REEP3: variants seen among roughly 807,000 people sequenced by gnomAD.
The protein encoded by REEP3 is receptor accessory protein 3.
A neutral mutation model predicts 41.3 loss-of-function variants in REEP3; 20 were observed. The observed-to-expected ratio is 0.48, with a 90% confidence interval of 0.34 to 0.70. The LOEUF is 0.70. Ranked by LOEUF, REEP3 falls within the 30% of genes least tolerant of loss-of-function variation. REEP3 has a pLI of 0.01. For missense variants in REEP3, 271 were observed against 308.8 expected, an observed-to-expected ratio of 0.88 and a Z score of 0.92; for synonymous variants, 104 against 101.8, an observed-to-expected ratio of 1.02 and a Z score of -0.13.
intron 3 of REEP3, among the ~76,000 whole-genome samples, chr10:63,595,308 C>T (rs956086923): frequency 6.6e-6 from 1 of 152,224 alleles, no homozygotes; most frequent in African/African-American, 2.4e-5. Flanking sequence ...TCAGCACTAG[C>T]TTCCTGGCTG....
At chr10:63,585,832 C>T (rs1261184489) in intron 2 of REEP3, among the ~76,000 whole-genome samples, 1 of 152,112 alleles carries the variant, frequency 6.6e-6, no homozygotes, top group African/African-American at 2.4e-5. Flanking sequence ...AGCAGTGTAC[C>T]TCCAACCATA....
At chr10:63,582,051 A>G (rs761691163) in intron 2 of REEP3, among the ~76,000 whole-genome samples, 6 of 152,180 alleles carry the variant, frequency 3.9e-5, no homozygotes, top group Non-Finnish European at 7.3e-5. Context: ...ACCTTCCTCT[A>G]GTTGATATTG....
chr10:63,531,622 A>T (rs758080442), intron 1 of REEP3, among the ~76,000 whole-genome samples: 7 of 152,230 alleles, frequency 4.6e-5, no homozygotes, highest in Non-Finnish European at 1.0e-4. Flanking sequence ...AGTGCTCAGT[A>T]GCTATGTGAA....
chr10:63,561,144 C>CAT (rs1955735908), intron 1 of REEP3, among the ~76,000 whole-genome samples: 1 of 152,150 alleles, frequency 6.6e-6, no homozygotes, highest in Admixed American at 6.5e-5. Flanking sequence ...AGGCAAAGCA[C>CAT]ATATATGTAT....
intron 1 of REEP3, among the ~76,000 whole-genome samples, chr10:63,556,897 A>C (rs1256649054): frequency 6.6e-6 from 1 of 151,092 alleles, no homozygotes; most frequent in African/African-American, 2.4e-5. Context: ...GGCCTCCCAA[A>C]GTGCTGGGAT....
intron 1 of REEP3, among the ~76,000 whole-genome samples, chr10:63,544,608 G>A (rs777805485): frequency 1.3e-5 from 2 of 152,170 alleles, no homozygotes; most frequent in African/African-American, 2.4e-5. Context: ...AACAGCAAGT[G>A]TGTTGTTGGG....
rs138335890 is a variant in REEP3, at chr10:63,543,665, C to A, written c.32+22088C>A. Among the ~76,000 whole-genome samples, 748 of 152,092 alleles carry A rather than the reference C, an allele frequency of 4.9e-3. 6 individuals carry two copies. Among genetic ancestry groups the A allele is most frequent in the African/African-American group, 0.016 (656 of 41,506 alleles). On this transcript the variant is annotated intron_variant, in intron 1 of 7. Transcript: ENST00000373758. ...CCACAGTAAAGAAAGGGATTTTTTTCTTTTATTCTTTCTGCAAGTATTTAT... is the reference window on the plus strand; with the variant it reads ...CCACAGTAAAGAAAGGGATTTTTTTATTTTATTCTTTCTGCAAGTATTTAT...
intron 2 of REEP3, among the ~76,000 whole-genome samples, chr10:63,571,488 A>G (rs1399342030): frequency 6.6e-6 from 1 of 151,914 alleles, no homozygotes. Context: ...TTGGGCTGAG[A>G]CCTCTTCATG....
chr10:63,537,108 C>T (rs1011442608), intron 1 of REEP3, among the ~76,000 whole-genome samples: 9 of 152,186 alleles, frequency 5.9e-5, no homozygotes, highest in African/African-American at 2.2e-4. Flanking sequence ...TAATAGTTTA[C>T]GTGGACAGAA....
intron 1 of REEP3, among the ~76,000 whole-genome samples, chr10:63,523,254 C>A (rs991889832): frequency 1.3e-5 from 2 of 152,168 alleles, no homozygotes; most frequent in African/African-American, 4.8e-5. Context: ...AAAAGTTACA[C>A]CCACTCTAAT....
At chr10:63,607,363 G>C (rs1956238299) in intron 5 of REEP3, among the ~76,000 whole-genome samples, 2 of 152,164 alleles carry the variant, frequency 1.3e-5, no homozygotes, top group South Asian at 4.1e-4. Flanking sequence ...ATTGATAATA[G>C]TAGCATTGGT....
intron 1 of REEP3, among the ~76,000 whole-genome samples, chr10:63,556,614 G>GTTTTTTTTTTTT (rs77925970): frequency 7.8e-5 from 1 of 12,868 alleles, no homozygotes; most frequent in African/African-American, 2.0e-4. Flanking sequence ...CTGTTTGCTT[G>GTTTTTTTTTTTT]TTTTTTTTTT....
At position 63,622,626 on chromosome 10, in the gene REEP3, A is replaced by T. The variant is rs908073149; in HGVS notation, c.*1757A>T. Reference sequence around the variant, plus strand: ...CTGTCCTTGTCTTTCCTACTCAAAGACAGTATCATCTGAAGTTGCCTAATA... The same window carrying T: ...CTGTCCTTGTCTTTCCTACTCAAAGTCAGTATCATCTGAAGTTGCCTAATA... On this transcript the variant is annotated 3_prime_UTR_variant, in exon 8 of 8. Transcript: ENST00000373758. The T allele has an allele frequency of 1.3e-5, 2 of 151,764 alleles. No homozygotes were observed. Among genetic ancestry groups the T allele is most frequent in the Admixed American group, 6.6e-5 (1 of 15,238 alleles). The allele number at this position is 151,764 out of a possible 1,614,324, so 9.4% of individuals were successfully genotyped here. A position where few individuals can be genotyped will look rare whatever the true frequency, so the allele number is the denominator to read the frequency against.
intron 2 of REEP3, among the ~76,000 whole-genome samples, chr10:63,574,632 TTC>T (rs1281455356): frequency 2.6e-5 from 4 of 152,126 alleles, no homozygotes; most frequent in Non-Finnish European, 4.4e-5. Flanking sequence ...GCCATTACCA[TTC>T]TTTACTCTGG....
intron 1 of REEP3, among the ~76,000 whole-genome samples, chr10:63,558,818 T>C (rs1020551090): frequency 1.3e-5 from 2 of 151,572 alleles, no homozygotes; most frequent in Non-Finnish European, 2.9e-5. Context: ...GTGTATATAG[T>C]GTGTGTGTGT....
chr10:63,594,327 C>T (rs1956093849), intron 2 of REEP3, among the ~76,000 whole-genome samples: 1 of 152,086 alleles, frequency 6.6e-6, no homozygotes, highest in Non-Finnish European at 1.5e-5. Context: ...GTCAAGGCTG[C>T]AGTGAGTCAT....
intron 2 of REEP3, among the ~76,000 whole-genome samples, chr10:63,569,009 A>G (rs969152046): frequency 6.6e-6 from 1 of 152,136 alleles, no homozygotes; most frequent in African/African-American, 2.4e-5. Flanking sequence ...TTACTGTCAA[A>G]TAATGTACTT....
At chr10:63,603,384 A>C (rs1414596248) in intron 5 of REEP3, among the ~76,000 whole-genome samples, 1 of 151,888 alleles carries the variant, frequency 6.6e-6, no homozygotes, top group Non-Finnish European at 1.5e-5. Context: ...TCTCACAGGA[A>C]TACTTTTCTG....
At chr10:63,533,710 C>CTGTTTTTTTTTTTTTTTTTT in intron 1 of REEP3, among the ~76,000 whole-genome samples, 1 of 101,140 alleles carries the variant, frequency 9.9e-6, no homozygotes, top group South Asian at 4.0e-4. Context: ...GTATGTAAAT[C>CTGTTTTTTTTTTTTTTTTTT]TTTTTTTTTT....
Sources: allele counts gnomAD v4.1 joint callset (sites outside exome capture counted in the v4.1 genomes callset), GRCh38; gene constraint gnomAD v4.1.1; transcripts MANE v1.5; gene names NCBI Gene and HGNC (gene_info 2026-07-23, HGNC 2026-07-21).